Variants in SAMD3 observed in about 807,000 individuals in gnomAD.
SAMD3 encodes the protein sterile alpha motif domain containing 3, also known as sterile alpha motif domain-containing protein 3.
SAMD3 carries 63 observed loss-of-function variants against 58.5 expected under a neutral mutation model. The observed-to-expected ratio is 1.08, with a 90% CI of 0.88 to 1.33. The LOEUF is 1.33. Ranked by LOEUF, SAMD3 falls within the 40% of genes most tolerant of loss-of-function variation. The probability of loss-of-function intolerance (pLI) is 0.00; values close to 1 mark genes in which losing one functional copy is unlikely to be tolerated. For synonymous variants in SAMD3, 220 were observed against 210.3 expected, an observed-to-expected ratio of 1.05 and a Z score of -0.40; for missense variants, 604 against 608.4, an observed-to-expected ratio of 0.99 and a Z score of 0.08.
intron 5 of SAMD3, among the ~76,000 whole-genome samples, chr6:130,187,092 G>A (rs531588309): frequency 1.3e-4 from 20 of 152,150 alleles, no homozygotes; most frequent in African/African-American, 4.3e-4. Context: ...TTTTAAAAGC[G>A]ATGTAACTTG....
At chr6:130,203,819 T>G (rs1454537590) in intron 5 of SAMD3, among the ~76,000 whole-genome samples, 1 of 152,194 alleles carries the variant, frequency 6.6e-6, no homozygotes, top group Non-Finnish European at 1.5e-5. Context: ...AACTGGAACC[T>G]GCATTAATGA....
Position 130,242,828 on chromosome 6 carries a change from C to T in SAMD3, c.-187-20015G>A, listed in dbSNP as rs1773409593. Reference sequence around the variant, plus strand: ...AATGGTTTGCCTTCAGCTTAGGAAGCACAGTTAGCTCTGGTGGCTGAGCCG... The same window carrying T: ...AATGGTTTGCCTTCAGCTTAGGAAGTACAGTTAGCTCTGGTGGCTGAGCCG... On this transcript the variant is annotated intron_variant, in intron 2 of 13. Transcript: ENST00000368134. 2.6e-5 allele frequency among the ~76,000 whole-genome samples: 4 copies of T among 152,170 alleles called. No homozygotes were observed. The South Asian group carries it at 8.3e-4, about 32-fold the overall frequency.
chr6:130,365,786 T>A, upstream of SAMD3: 2 of 985,438 alleles, frequency 2.0e-6, no homozygotes, highest in Non-Finnish European at 2.4e-6. Context: ...TGCAACTTTG[T>A]GGCCGGGACG....
At chr6:130,274,550 C>G (rs1338071801) in intron 2 of SAMD3, among the ~76,000 whole-genome samples, 3 of 152,038 alleles carry the variant, frequency 2.0e-5, no homozygotes, top group African/African-American at 7.3e-5. Flanking sequence ...AAATAGGACT[C>G]CATCCATCCT....
At position 130,184,423 on chromosome 6, in the gene SAMD3, C is replaced by T. The variant is rs1012863086; in HGVS notation, c.569+15G>A. 1.2e-6 allele frequency: 2 copies of T among 1,610,960 alleles called. No homozygotes were observed. Among genetic ancestry groups the T allele is most frequent in the Non-Finnish European group, 8.5e-7 (1 of 1,178,062 alleles). On this transcript the variant is annotated intron_variant, in intron 6 of 11. Coordinates refer to ENST00000439090, the MANE Select transcript of SAMD3 (RefSeq NM_001017373.4). ...CCCTTTCCCAAAGCAGCAAGCTTGT[C>T]CTGTTGTCACTCACAGTGAGCCTTC...
intron 9 of SAMD3, 86 bp downstream of exon 9, chr6:130,154,739 A>ATATG (rs1554252203): frequency 4.2e-6 from 1 of 239,170 alleles, no homozygotes; most frequent in East Asian, 8.6e-5. Context: ...ATATATATAT[A>ATATG]TATGTATGTA....
intron 1 of SAMD3, among the ~76,000 whole-genome samples, chr6:130,356,637 T>C (rs1193420174): frequency 2.0e-5 from 3 of 152,200 alleles, no homozygotes; most frequent in Non-Finnish European, 4.4e-5. Context: ...AAGGAACAAA[T>C]AGTTGTTATC....
At chr6:130,241,828 T>A (rs1773368266) in intron 2 of SAMD3, among the ~76,000 whole-genome samples, 1 of 151,810 alleles carries the variant, frequency 6.6e-6, no homozygotes, top group Non-Finnish European at 1.5e-5. Context: ...TTAATTTTAA[T>A]TTTTTTTGAA....
rs144290774 is a variant in SAMD3 at position 130,303,021 on chromosome 6, C to T, written c.-188+9957G>A. ...GCCCAAACCTCAGCATTATGCAATA[C>T]ACCCATGTAACAAACTGCACATGTA... On this transcript the variant is annotated intron_variant, in intron 2 of 13. Transcript: ENST00000368134. Among the ~76,000 whole-genome samples the T allele has an allele frequency of 2.6e-3, 396 of 152,256 alleles. 3 individuals carry two copies. The highest frequency in any genetic ancestry group is 8.9e-3 in the African/African-American group (368 of 41,544).
intron 4 of SAMD3, among the ~76,000 whole-genome samples, chr6:130,210,176 G>C (rs1186124258): frequency 6.6e-6 from 1 of 152,172 alleles, no homozygotes; most frequent in Non-Finnish European, 1.5e-5. Flanking sequence ...TTTTCTACCA[G>C]TTTCAACAAG....
At chr6:130,267,558 A>G (rs1562489664) in intron 2 of SAMD3, among the ~76,000 whole-genome samples, 1 of 152,150 alleles carries the variant, frequency 6.6e-6, no homozygotes. Flanking sequence ...TATACTCAGA[A>G]AAGGAAAGAG....
At chr6:130,148,743 A>G (rs1016309306) in intron 9 of SAMD3, among the ~76,000 whole-genome samples, 1 of 152,086 alleles carries the variant, frequency 6.6e-6, no homozygotes, top group East Asian at 1.9e-4. Context: ...ATGGTGGCAC[A>G]TGCCTGTAGT....
At chr6:130,236,298 T>A (rs1773143837) in intron 2 of SAMD3, among the ~76,000 whole-genome samples, 1 of 152,046 alleles carries the variant, frequency 6.6e-6, no homozygotes, top group African/African-American at 2.4e-5. Context: ...CAGCATGAAG[T>A]GACAAAGACA....
intron 1 of SAMD3, among the ~76,000 whole-genome samples, chr6:130,326,366 C>CTTTTTTT (rs1444494681): frequency 0.019 from 2,192 of 112,994 alleles, 24 homozygotes; most frequent in Non-Finnish European, 0.027. Flanking sequence ...AATGCCTGGT[C>CTTTTTTT]ATTTTTTTTT....
intron 2 of SAMD3, among the ~76,000 whole-genome samples, chr6:130,272,894 C>T (rs958955659): frequency 9.9e-5 from 15 of 151,988 alleles, no homozygotes; most frequent in Non-Finnish European, 2.2e-4. Context: ...ATTGGGAAGA[C>T]CAGAATGACT....
intron 1 of SAMD3, among the ~76,000 whole-genome samples, chr6:130,351,887 A>C (rs1264611898): frequency 6.6e-6 from 1 of 152,202 alleles, no homozygotes; most frequent in Non-Finnish European, 1.5e-5. Flanking sequence ...GCAGCCATAA[A>C]AAATGATGAG....
chr6:130,216,719 C>T (rs1796024503), intron 1 of SAMD3, 103 bp from the exon 2 acceptor site: 1 of 152,164 alleles, frequency 6.6e-6, no homozygotes, highest in South Asian at 2.1e-4. Context: ...AGAAGAACAT[C>T]TTTCTGAATT....
At chr6:130,155,544 T>C (rs186245253) in intron 8 of SAMD3, among the ~76,000 whole-genome samples, 6 of 152,316 alleles carry the variant, frequency 3.9e-5, no homozygotes, top group African/African-American at 1.4e-4. Flanking sequence ...ACTGGGTACG[T>C]TGGGCGGAGT....
At chr6:130,261,908 G>T (rs968996212) in intron 2 of SAMD3, among the ~76,000 whole-genome samples, 4 of 151,928 alleles carry the variant, frequency 2.6e-5, no homozygotes, top group African/African-American at 9.7e-5. Flanking sequence ...CTCCACAGTG[G>T]TTCAAAGAAC....
Sources: gnomAD v4.1 joint callset for allele counts (sites outside exome capture counted in the v4.1 genomes callset) on GRCh38, gnomAD v4.1.1 for gene constraint, MANE v1.5 for transcripts, NCBI Gene and HGNC (gene_info 2026-07-23, HGNC 2026-07-21) for gene names.